SEC61A1: variants seen among roughly 807,000 people sequenced by gnomAD.
SEC61A1 encodes the protein protein transport protein Sec61 subunit alpha isoform 1.
A neutral mutation model predicts 55.2 loss-of-function variants in SEC61A1; 15 were observed. The ratio of observed to expected loss-of-function variants is 0.27; its 90% CI spans 0.18 to 0.42. The LOEUF (loss-of-function observed/expected upper bound fraction) is 0.42, where lower values mean the gene tolerates loss of function less well. Ranked by LOEUF, SEC61A1 falls within the 10% of genes least tolerant of loss-of-function variation. The pLI, the probability that SEC61A1 is intolerant of heterozygous loss-of-function variation, is 1.00. For synonymous variants in SEC61A1, 247 were observed against 234.0 expected (o/e 1.06, Z -0.51); for missense variants, 284 against 602.6 (o/e 0.47, Z 5.53).
chr3:128,058,155 C>T (rs1428942367), intron 5 of SEC61A1, among the ~76,000 whole-genome samples: 1 of 149,894 alleles, frequency 6.7e-6, no homozygotes, highest in Non-Finnish European at 1.5e-5. Context: ...GCATGTTTTA[C>T]AGGTCTTAAA....
rs758640768 is a variant in SEC61A1 at position 128,065,732 on chromosome 3, A to AT, written c.777+717dup. Among the ~76,000 whole-genome samples, 385 of 97,474 alleles carry AT rather than the reference A, an allele frequency of 3.9e-3. 17 individuals are homozygous for AT. Among genetic ancestry groups the AT allele is most frequent in the African/African-American group, 0.01 (251 of 24,122 alleles). 63.9% of individuals were successfully genotyped at this position (97,474 alleles called of 152,430 possible). A position where few individuals can be genotyped will look rare whatever the true frequency, so the allele number is the denominator to read the frequency against. ...AGAATTTGCAGTCAGATCATTAAGA[A>AT]TTTTTTTTTTTTTTTTTTTTTTGAG... On this transcript the variant is annotated intron_variant, in intron 8 of 11. Coordinates refer to ENST00000243253, the MANE Select transcript of SEC61A1 (RefSeq NM_013336.4).
intron 8 of SEC61A1, 175 bp from the exon 9 acceptor site, chr3:128,066,779 G>C: frequency 1.6e-6 from 1 of 618,004 alleles, no homozygotes; most frequent in African/African-American, 1.8e-5. Flanking sequence ...GCCAAGTGCA[G>C]GAGTGCAGTG....
In SEC61A1 at chr3:128,066,378, GA is replaced by G. The variant is rs548928035; in HGVS notation, c.778-565del. Among the ~76,000 whole-genome samples, 528 of 145,174 alleles carry G rather than the reference GA, an allele frequency of 3.6e-3. 1 individual carries two copies. Among genetic ancestry groups the G allele is most frequent in the African/African-American group, 0.012 (481 of 39,776 alleles). The stretch of plus-strand genomic sequence containing the variant: ...GTAATGTGATAGGCTCTGTCTTTTG[GA>G]AAAAAAAAAAGTGGGGGTGGGGATC... On this transcript the variant is annotated intron_variant, in intron 8 of 11. Transcript: ENST00000243253.
In SEC61A1 at chr3:128,060,180, G is replaced by A; in HGVS notation, c.431G>A (p.Gly144Asp). The change falls in exon 6 of 12, where the codon GGT becomes GAT. Residue 144 changes from glycine to aspartate, a missense_variant. By Grantham distance (94) the Gly-to-Asp change is moderately conservative. Transcript: ENST00000243253. ...ATGTATGGGGACCCTTCTGAAATGG[G>A]TGCTGGAATTTGCCTGCTAATCACC... ...TGMYGDPSEM[G>D]AGICLLITIQ... The A allele has an allele frequency of 6.2e-7, 1 of 1,613,956 alleles. No homozygotes were observed. The highest frequency in any genetic ancestry group is 8.5e-7 in the Non-Finnish European group (1 of 1,179,830).
chr3:128,052,365 C>G (rs1941695586), upstream of SEC61A1: 1 of 976,530 alleles, frequency 1.0e-6, no homozygotes, highest in African/African-American at 1.7e-5. Context: ...TGGCAGGAAG[C>G]GGAAGCGATC....
intron 7 of SEC61A1, among the ~76,000 whole-genome samples, chr3:128,063,545 C>T (rs926358824): frequency 6.6e-6 from 1 of 152,212 alleles, no homozygotes; most frequent in Non-Finnish European, 1.5e-5. Flanking sequence ...CCATCTTGGC[C>T]AGGCTGGTCT....
intron 8 of SEC61A1, 54 bp downstream of exon 8, chr3:128,065,091 A>G: frequency 6.3e-7 from 1 of 1,580,646 alleles, no homozygotes; most frequent in South Asian, 1.1e-5. Context: ...TAAGTTTCAG[A>G]ATGCCTTGTG....
chr3:128,062,528 T>C (rs780985695), intron 7 of SEC61A1, among the ~76,000 whole-genome samples: 1 of 152,212 alleles, frequency 6.6e-6, no homozygotes, highest in Admixed American at 6.5e-5. Context: ...AGGATGGGAA[T>C]TGACGAAAGA....
Position 128,067,240 on chromosome 3 carries a change from C to A in SEC61A1, c.975+89C>A. Reference sequence around the variant, plus strand: ...CTTGCTCATGAACAGATATTTCATCCAAAGATATTTTCCATTGTGCCTTTT... The same window carrying A: ...CTTGCTCATGAACAGATATTTCATCAAAAGATATTTTCCATTGTGCCTTTT... On this transcript the variant is annotated intron_variant, in intron 9 of 11. Transcript: ENST00000243253. This position sits in a 1 kb window ranked among gnomAD's most constrained non-coding sequence, Gnocchi z 4.1. 2 of 1,378,090 alleles carry A rather than the reference C, an allele frequency of 1.5e-6. No individual in the cohort carries two copies. The highest frequency in any genetic ancestry group is 2.0e-6 in the Non-Finnish European group (2 of 980,760). 85.4% of individuals were successfully genotyped at this position (1,378,090 alleles called of 1,614,324 possible).
chr3:128,069,491 C>G lies in SEC61A1; in HGVS notation c.1260C>G (p.Ala420=), dbSNP rs759770429. ...VHELNRYIPT[A]AAFGGLCIGA... ...CCTCCCCCAGGTACATCCCCACAGC[C>G]GCGGCCTTTGGTGGGCTGTGCATCG... is the stretch of plus-strand genomic sequence containing the variant. Residue 420 remains alanine, a synonymous_variant, in exon 12 of 12, where the codon GCC becomes GCG. Transcript: ENST00000243253. The G allele has an allele frequency of 1.2e-6, 2 of 1,612,088 alleles. No individual in the cohort carries two copies. The highest frequency in any genetic ancestry group is 3.3e-5 in the Admixed American group (2 of 60,010).
intron 7 of SEC61A1, among the ~76,000 whole-genome samples, chr3:128,062,543 C>T (rs1355696762): frequency 6.6e-6 from 1 of 152,198 alleles, no homozygotes; most frequent in Non-Finnish European, 1.5e-5. Flanking sequence ...GAAAGACCGC[C>T]ACAGGGTGAG....
chr3:128,065,802 TCTCGA>T (rs1363014520), intron 8 of SEC61A1, among the ~76,000 whole-genome samples: 1 of 138,880 alleles, frequency 7.2e-6, no homozygotes, highest in African/African-American at 2.7e-5. Context: ...AGTGGCGCGA[TCTCGA>T]CTCGACTCAC....
chr3:128,064,331 A>G (rs890109920), intron 7 of SEC61A1, among the ~76,000 whole-genome samples: 1 of 152,058 alleles, frequency 6.6e-6, no homozygotes, highest in Non-Finnish European at 1.5e-5. Flanking sequence ...AAGAAATGAG[A>G]CCAATTAATT....
At chr3:128,052,381 C>G (rs1313460028), upstream of SEC61A1, 1 of 1,134,422 alleles carries the variant, frequency 8.8e-7, no homozygotes, top group Non-Finnish European at 1.1e-6. Context: ...CGATCCGAGG[C>G]CCGGCCCCGG....
chr3:128,052,721 GCC>G, intron 1 of SEC61A1, 112 bp from the exon 2 acceptor site: 1 of 1,494,438 alleles, frequency 6.7e-7, no homozygotes, highest in Non-Finnish European at 9.2e-7. Context: ...CCGGGGTGCG[GCC>G]GGCTCCCCTG....
At chr3:128,069,172 A>G (rs1441584617) in intron 11 of SEC61A1, among the ~76,000 whole-genome samples, 1 of 152,226 alleles carries the variant, frequency 6.6e-6, no homozygotes, top group Non-Finnish European at 1.5e-5. Context: ...TTTCAACATT[A>G]TAATTAATGT....
Position 128,067,395 on chromosome 3 carries a change from C to T in SEC61A1, c.976-26C>T, listed in dbSNP as rs1015585062. 8 of 1,597,584 alleles carry T rather than the reference C, an allele frequency of 5.0e-6. No homozygotes were observed. The highest frequency in any genetic ancestry group is 6.8e-6 in the Non-Finnish European group (8 of 1,172,998). On this transcript the variant is annotated intron_variant, in intron 9 of 11. Coordinates refer to ENST00000243253, the MANE Select transcript of SEC61A1 (RefSeq NM_013336.4). The surrounding 1 kb of genome is among the most constrained non-coding windows in gnomAD (Gnocchi z 4.1). ...CTAAAGTAAAATGAAGGAGCACTCACATGCGTTTGGTTTCTTCTTCCCCAG... is the reference window on the plus strand; with the variant it reads ...CTAAAGTAAAATGAAGGAGCACTCATATGCGTTTGGTTTCTTCTTCCCCAG...
In SEC61A1 at chr3:128,067,476, A is replaced by G. The variant is rs919536596; in HGVS notation, c.1031A>G (p.Tyr344Cys). ...RAYPVGGLCYYLSPPESFGSV... is the reference protein window; with the variant it reads ...RAYPVGGLCYCLSPPESFGSV... ...TATCCAGTTGGTGGCCTTTGCTATT[A>G]CCTGTCCCCTCCAGAATCTTTTGGC... Residue 344 changes from tyrosine to cysteine, a missense_variant, in exon 10 of 12, where the codon TAC becomes TGC. By Grantham distance (194) the Tyr-to-Cys change is radical. Coordinates refer to ENST00000243253, the MANE Select transcript of SEC61A1 (RefSeq NM_013336.4). The surrounding 1 kb of genome is among the most constrained non-coding windows in gnomAD (Gnocchi z 4.1). 6.2e-7 allele frequency: 1 copy of G among 1,613,988 alleles called. No homozygotes were observed. The highest frequency in any genetic ancestry group is 8.5e-7 in the Non-Finnish European group (1 of 1,180,014).
At chr3:128,051,801 C>T (rs2878508), upstream of SEC61A1, 4,179 of 1,533,370 alleles carry the variant, frequency 2.7e-3, 98 homozygotes, top group African/African-American at 0.048. Flanking sequence ...CGGCCCTTCT[C>T]CGGCCAAGTC....
Sources: allele counts gnomAD v4.1 joint callset (sites outside exome capture counted in the v4.1 genomes callset), GRCh38; gene constraint gnomAD v4.1.1; non-coding constraint Gnocchi (gnomAD v3.1); transcripts MANE v1.5; gene names NCBI Gene and HGNC (gene_info 2026-07-23, HGNC 2026-07-21).